The following GRAMD4 variants were observed in gnomAD, a reference collection of about 807,000 sequenced individuals.
GRAMD4 encodes the protein GRAM domain-containing protein 4.
A neutral mutation model predicts 83.9 loss-of-function variants in GRAMD4; 25 were observed. The observed-to-expected ratio is 0.30, with a 90% CI of 0.22 to 0.42. The LOEUF (loss-of-function observed/expected upper bound fraction) is 0.42. Among genes scored for constraint, GRAMD4 ranks in the 10% least tolerant of loss-of-function variants. The pLI is 1.00. For synonymous variants in GRAMD4, 336 were observed against 320.9 expected, an observed-to-expected ratio of 1.05 and a Z score of -0.50; for missense variants, 593 against 788.7, an observed-to-expected ratio of 0.75 and a Z score of 2.97.
chr22:46,648,938 GGATGGATGGATGGA>G (rs2082123840), intron 3 of GRAMD4, among the ~76,000 whole-genome samples: 2 of 37,036 alleles, frequency 5.4e-5, no homozygotes, highest in Admixed American at 5.6e-4. Flanking sequence ...ATGGATGCAT[GGATGGATGGATGGA>G]TGGATGGATG....
chr22:46,634,153 G>C (rs753896196), intron 2 of GRAMD4, among the ~76,000 whole-genome samples: 2 of 152,346 alleles, frequency 1.3e-5, no homozygotes, highest in East Asian at 3.9e-4. Context: ...CCTGCCGAGG[G>C]CTGGGGGAGT....
chr22:46,623,348 G>A (rs1040901631), intron 1 of GRAMD4, among the ~76,000 whole-genome samples: 20 of 152,294 alleles, frequency 1.3e-4, no homozygotes, highest in South Asian at 4.1e-4. Context: ...TTGCTCTGCC[G>A]CATTCCGCAG....
At chr22:46,598,438 G>A (rs1201620379) in intron 1 of GRAMD4, among the ~76,000 whole-genome samples, 1 of 152,178 alleles carries the variant, frequency 6.6e-6, no homozygotes, top group Admixed American at 6.5e-5. Flanking sequence ...TTTGTTGCCA[G>A]AGGATTCTAA....
intron 17 of GRAMD4, among the ~76,000 whole-genome samples, chr22:46,676,190 G>A (rs113979746): frequency 6.6e-4 from 101 of 152,318 alleles, no homozygotes; most frequent in African/African-American, 2.2e-3. Flanking sequence ...GGAAAAAAGC[G>A]TGCAGTCAGG....
intron 1 of GRAMD4, among the ~76,000 whole-genome samples, chr22:46,596,241 C>T (rs1306868362): frequency 6.6e-6 from 1 of 152,238 alleles, no homozygotes; most frequent in East Asian, 1.9e-4. Context: ...CTGGCTCGTG[C>T]CATCGGGGCT....
At chr22:46,681,672 C>T (rs773706754), downstream of GRAMD4, among the ~76,000 whole-genome samples, 13 of 152,114 alleles carry the variant, frequency 8.5e-5, no homozygotes, top group Admixed American at 6.5e-4. Context: ...GGTGGGGGTG[C>T]GTCAGGGAGA....
chr22:46,671,147 C>T (rs960158127), intron 13 of GRAMD4: 3 of 460,880 alleles, frequency 6.5e-6, no homozygotes, highest in African/African-American at 6.0e-5. Flanking sequence ...TGAGCTGTCC[C>T]TCCTGGGTCG....
intron 1 of GRAMD4, among the ~76,000 whole-genome samples, chr22:46,583,314 TTGTC>T (rs763073711): frequency 1.1e-4 from 17 of 152,380 alleles, no homozygotes; most frequent in Admixed American, 3.9e-4. Flanking sequence ...CAGTTGCAGT[TTGTC>T]TGGTGATTAA....
rs373967526 is a variant in GRAMD4 at position 46,665,782 on chromosome 22, C to T, written c.809+76C>T. ...GTGCTGTCTCCCTGCGTCTCACAAC[C>T]GTGACCCCAGCTGGGTATGTCATGC... On this transcript the variant is annotated intron_variant, in intron 9 of 18. Transcript: ENST00000406902. 6.3e-4 allele frequency: 516 copies of T among 825,180 alleles called. 1 individual carries two copies. The African/African-American group carries it at 7.2e-3, about 12-fold the overall frequency. The allele number at this position is 825,180 out of a possible 1,614,324, so 51.1% of individuals were successfully genotyped here.
chr22:46,676,937 G>A (rs1200432208), intron 18 of GRAMD4, among the ~76,000 whole-genome samples: 1 of 152,264 alleles, frequency 6.6e-6, no homozygotes, highest in East Asian at 1.9e-4. Context: ...GGGAGGCACG[G>A]GGCTAAAGCC....
intron 3 of GRAMD4, among the ~76,000 whole-genome samples, chr22:46,648,835 GATGGATGGATGCATGGATGGATGGATGC>G (rs2082118131): frequency 6.9e-5 from 10 of 144,454 alleles, no homozygotes; most frequent in Non-Finnish European, 9.1e-5. Flanking sequence ...TGGATGGATG[GATGGATGGATGCATGGATGGATGGATGC>G]ATGGATGGAT....
chr22:46,607,768 G>A (rs1370060582), intron 1 of GRAMD4, among the ~76,000 whole-genome samples: 1 of 152,212 alleles, frequency 6.6e-6, no homozygotes, highest in Non-Finnish European at 1.5e-5. Flanking sequence ...CCCTACCACA[G>A]CCTCTCTGCT....
At chr22:46,619,398 ACGAT>A (rs1368434886), upstream of GRAMD4, among the ~76,000 whole-genome samples, 1 of 152,128 alleles carries the variant, frequency 6.6e-6, no homozygotes, top group African/African-American at 2.4e-5. Context: ...GTGCAGTGGT[ACGAT>A]CGTGGTTCAC....
upstream of GRAMD4, among the ~76,000 whole-genome samples, chr22:46,615,730 G>C (rs554998939): frequency 2.1e-5 from 1 of 48,544 alleles, no homozygotes; most frequent in African/African-American, 8.5e-5. Context: ...AGGTTCCCCC[G>C]TGTGTAGGTT....
chr22:46,639,386 C>T (rs1450546761), intron 3 of GRAMD4, among the ~76,000 whole-genome samples: 2 of 148,714 alleles, frequency 1.3e-5, no homozygotes, highest in Non-Finnish European at 3.0e-5. Context: ...TGGTGGTTAA[C>T]CTTGTGTGTG....
At chr22:46,666,142 ACGCGT>A (rs1425562733) in intron 9 of GRAMD4, among the ~76,000 whole-genome samples, 1 of 152,126 alleles carries the variant, frequency 6.6e-6, no homozygotes, top group Non-Finnish European at 1.5e-5. Flanking sequence ...CGTGTGACTG[ACGCGT>A]TAACCCCAAC....
intron 1 of GRAMD4, among the ~76,000 whole-genome samples, chr22:46,585,242 G>C (rs2081137760): frequency 1.3e-5 from 2 of 150,662 alleles, no homozygotes; most frequent in African/African-American, 4.9e-5. Flanking sequence ...CCAGGCTGGA[G>C]TGCAATGGCG....
At chr22:46,620,234 C>A, upstream of GRAMD4, 1 of 866,994 alleles carries the variant, frequency 1.2e-6, no homozygotes, top group Non-Finnish European at 1.4e-6. This position sits in a 1 kb window ranked among gnomAD's most constrained non-coding sequence, Gnocchi z 4.7. Flanking sequence ...CAGCGGTTTC[C>A]AGAGCAGCAT....
At chr22:46,579,353 G>A (rs2081075539) in intron 1 of GRAMD4, among the ~76,000 whole-genome samples, 1 of 152,216 alleles carries the variant, frequency 6.6e-6, no homozygotes, top group Non-Finnish European at 1.5e-5. Context: ...TGGAAAACGA[G>A]GGAGGAGAAT....
Sources: gnomAD v4.1 joint callset for allele counts (sites outside exome capture counted in the v4.1 genomes callset) on GRCh38, gnomAD v4.1.1 for gene constraint, Gnocchi (gnomAD v3.1) non-coding constraint, MANE v1.5 for transcripts, NCBI Gene and HGNC (gene_info 2026-07-23, HGNC 2026-07-21) for gene names.